Variants in GPBP1 observed in about 807,000 individuals in gnomAD.
GPBP1 encodes the protein vasculin.
GPBP1 carries 13 observed loss-of-function variants against 56.5 expected under a neutral mutation model. The ratio of observed to expected loss-of-function variants is 0.23; its 90% CI spans 0.15 to 0.37. The LOEUF (loss-of-function observed/expected upper bound fraction) is 0.37, where lower values mean the gene tolerates loss of function less well. GPBP1 is among the 10% of genes least tolerant of loss of function. The pLI is 1.00. For synonymous variants in GPBP1, 204 were observed against 188.9 expected (o/e 1.08, Z -0.66); for missense variants, 477 against 572.3 (o/e 0.83, Z 1.70).
At chr5:57,190,913 G>A (rs1317267161) in intron 2 of GPBP1, among the ~76,000 whole-genome samples, 2 of 151,532 alleles carry the variant, frequency 1.3e-5, no homozygotes, top group South Asian at 2.1e-4. Context: ...TTGCCATGTT[G>A]CCTAGAACTC....
intron 6 of GPBP1, chr5:57,236,980 T>C: frequency 1.5e-6 from 1 of 665,096 alleles, no homozygotes; most frequent in Non-Finnish European, 2.7e-6. Flanking sequence ...TATTTTGTTT[T>C]CTTTTGATCT....
At chr5:57,231,703 G>C (rs2111857729) in intron 5 of GPBP1, among the ~76,000 whole-genome samples, 1 of 152,300 alleles carries the variant, frequency 6.6e-6, no homozygotes, top group South Asian at 2.1e-4. Context: ...AAGCTAGATA[G>C]AATTTGCACT....
intron 2 of GPBP1, among the ~76,000 whole-genome samples, chr5:57,192,907 C>G (rs949801236): frequency 6.6e-6 from 1 of 152,022 alleles, no homozygotes; most frequent in Non-Finnish European, 1.5e-5. Flanking sequence ...TACTATTTGA[C>G]CTTGGGAACT....
intron 3 of GPBP1, among the ~76,000 whole-genome samples, chr5:57,225,233 C>T (rs1023182254): frequency 3.9e-5 from 6 of 151,942 alleles, no homozygotes; most frequent in Admixed American, 6.6e-5. Context: ...CCAAGGCGGG[C>T]GGATCATGAG....
At chr5:57,235,724 C>T (rs918480000) in intron 5 of GPBP1, among the ~76,000 whole-genome samples, 6 of 152,136 alleles carry the variant, frequency 3.9e-5, no homozygotes, top group Admixed American at 6.5e-5. Flanking sequence ...TCAGATTTTA[C>T]GTTTATTATT....
At chr5:57,235,059 C>T (rs551890527) in intron 5 of GPBP1, among the ~76,000 whole-genome samples, 2 of 152,096 alleles carry the variant, frequency 1.3e-5, no homozygotes, top group African/African-American at 2.4e-5. Context: ...GTAATCCCAG[C>T]ACTTTGGGAG....
intron 3 of GPBP1, among the ~76,000 whole-genome samples, chr5:57,229,939 T>TCC (rs1424193545): frequency 3.0e-5 from 4 of 132,802 alleles, no homozygotes; most frequent in African/African-American, 9.7e-5. Flanking sequence ...TTGCATCGCA[T>TCC]CGCGTCCCGT....
At chr5:57,250,486 A>G (rs1203199445) in intron 9 of GPBP1, among the ~76,000 whole-genome samples, 1 of 150,372 alleles carries the variant, frequency 6.7e-6, no homozygotes, top group African/African-American at 2.4e-5. Context: ...TTGGATATCC[A>G]TCCTGGCTTA....
intron 2 of GPBP1, among the ~76,000 whole-genome samples, chr5:57,186,063 T>TC (rs941658012): frequency 4.5e-4 from 68 of 152,342 alleles, no homozygotes; most frequent in African/African-American, 1.6e-3. Flanking sequence ...TGGTTTGTTT[T>TC]CATTTTCTTG....
chr5:57,239,269 T>A (rs1740696580), intron 6 of GPBP1, among the ~76,000 whole-genome samples: 1 of 152,240 alleles, frequency 6.6e-6, no homozygotes, highest in African/African-American at 2.4e-5. Flanking sequence ...AAGTACATTT[T>A]ATTTGGTCTG....
At chr5:57,211,086 T>C (rs1561341545) in intron 2 of GPBP1, among the ~76,000 whole-genome samples, 1 of 151,040 alleles carries the variant, frequency 6.6e-6, no homozygotes, top group Non-Finnish European at 1.5e-5. Flanking sequence ...TTAAGATGAG[T>C]GGTGTGGAAC....
At chr5:57,216,757 A>G (rs1200784489) in intron 3 of GPBP1, among the ~76,000 whole-genome samples, 4 of 152,168 alleles carry the variant, frequency 2.6e-5, no homozygotes, top group Non-Finnish European at 5.9e-5. Context: ...ATGAAGAAAC[A>G]TTTATTTAAG....
intron 3 of GPBP1, among the ~76,000 whole-genome samples, chr5:57,227,414 A>G (rs1756245266): frequency 6.6e-6 from 1 of 151,752 alleles, no homozygotes; most frequent in African/African-American, 2.4e-5. Context: ...GGCTAGTCTC[A>G]AGCTCCTGAC....
chr5:57,217,897 G>A (rs1213126025), intron 3 of GPBP1, among the ~76,000 whole-genome samples: 3 of 152,046 alleles, frequency 2.0e-5, no homozygotes, highest in Non-Finnish European at 2.9e-5. Flanking sequence ...CACAGATTAA[G>A]AGTTTATTTA....
chr5:57,178,947 G>A (rs963254805), intron 2 of GPBP1, among the ~76,000 whole-genome samples: 3 of 152,212 alleles, frequency 2.0e-5, no homozygotes, highest in Non-Finnish European at 2.9e-5. Context: ...TTTTTTTGCT[G>A]TGTAATTTAT....
chr5:57,247,720 C>G (rs930252096), intron 8 of GPBP1, among the ~76,000 whole-genome samples: 1 of 151,880 alleles, frequency 6.6e-6, no homozygotes, highest in Non-Finnish European at 1.5e-5. Context: ...GGGGGAATTC[C>G]AAACATCCTA....
At position 57,215,840 on chromosome 5, in the gene GPBP1, C is replaced by G. The variant is rs188445353; in HGVS notation, c.63+1647C>G. Among the ~76,000 whole-genome samples, 4 of 151,304 alleles carry G rather than the reference C, an allele frequency of 2.6e-5. No individual in the cohort carries two copies. The East Asian group carries it at 7.8e-4, about 29-fold the overall frequency. On this transcript the variant is annotated intron_variant, in intron 3 of 11. Coordinates refer to ENST00000506184, the MANE Select transcript of GPBP1 (RefSeq NM_022913.4). Reference sequence around the variant, plus strand: ...TCTAAGTTTTTCCAGTGTGAAACTACTTATTGCTTATTCAGCTTATTGCTC... The same window carrying G: ...TCTAAGTTTTTCCAGTGTGAAACTAGTTATTGCTTATTCAGCTTATTGCTC...
chr5:57,214,309 G>A, intron 3 of GPBP1, 116 bp downstream of exon 3: 1 of 897,924 alleles, frequency 1.1e-6, no homozygotes, highest in Non-Finnish European at 1.8e-6. Flanking sequence ...TTTGTGGCTG[G>A]GCGCGGTGGC....
Position 57,261,207 on chromosome 5 carries a change from A to G in GPBP1, c.1188A>G (p.Glu396=). ...TGTTAAAGGAAATGGGCTGGCAGGA[A>G]GACAGTGAAAATGATGAAACATGTG... The part of the protein sequence containing the change: ...HRLLKEMGWQ[E]DSENDETCAP... Residue 396 remains glutamate (E), a synonymous_variant, in exon 11 of 12, where the codon GAA becomes GAG. Coordinates refer to ENST00000506184, the MANE Select transcript of GPBP1 (RefSeq NM_022913.4). The G allele has an allele frequency of 6.2e-7, 1 of 1,612,818 alleles. No homozygotes were observed. The highest frequency in any genetic ancestry group is 1.3e-5 in the African/African-American group (1 of 75,010).
Sources: allele counts gnomAD v4.1 joint callset (sites outside exome capture counted in the v4.1 genomes callset), GRCh38; gene constraint gnomAD v4.1.1; transcripts MANE v1.5; gene names NCBI Gene and HGNC (gene_info 2026-07-23, HGNC 2026-07-21).